Variants in CNBD1 observed in about 807,000 individuals in gnomAD.
CNBD1 encodes the protein cyclic nucleotide-binding domain-containing protein 1.
In CNBD1, 71 loss-of-function variants were observed where a neutral mutation model predicts 54.4. The observed-to-expected ratio is 1.30, with a 90% CI of 1.08 to 1.59. The LOEUF is 1.59. CNBD1 is among the 40% of genes most tolerant of loss of function. The pLI is 0.00. For synonymous variants in CNBD1, 182 were observed against 170.7 expected (o/e 1.07, Z -0.51); for missense variants, 659 against 518.0 (o/e 1.27, Z -2.64).
intron 4 of CNBD1, among the ~76,000 whole-genome samples, chr8:87,100,696 A>G (rs1260718358): frequency 6.6e-6 from 1 of 152,018 alleles, no homozygotes; most frequent in Non-Finnish European, 1.5e-5. Flanking sequence ...GCTGGTCTTG[A>G]ATTCTTGTCT....
At chr8:87,195,176 C>T (rs1036941406) in intron 4 of CNBD1, among the ~76,000 whole-genome samples, 1 of 151,656 alleles carries the variant, frequency 6.6e-6, no homozygotes, top group African/African-American at 2.4e-5. Context: ...AGCCACCATG[C>T]CCGGCCCGTT....
At chr8:87,039,406 A>G (rs1810016444) in intron 4 of CNBD1, among the ~76,000 whole-genome samples, 2 of 152,172 alleles carry the variant, frequency 1.3e-5, no homozygotes, top group African/African-American at 4.8e-5. Flanking sequence ...AGCTATCATT[A>G]TAGCCCTTTT....
intron 6 of CNBD1, among the ~76,000 whole-genome samples, chr8:87,248,960 ATGCAACTATACAAT>A (rs1807860705): frequency 6.6e-6 from 1 of 152,178 alleles, no homozygotes; most frequent in Admixed American, 6.6e-5. Flanking sequence ...CTGCCACCAG[ATGCAACTATACAAT>A]TGAAGTATAT....
intron 8 of CNBD1, among the ~76,000 whole-genome samples, chr8:87,334,410 C>G (rs967593733): frequency 8.6e-5 from 13 of 151,958 alleles, no homozygotes; most frequent in African/African-American, 3.1e-4. Flanking sequence ...CATTTCCTGT[C>G]TCCTGCTAGC....
downstream of CNBD1, among the ~76,000 whole-genome samples, chr8:87,384,222 C>G (rs1811142055): frequency 6.6e-6 from 1 of 151,932 alleles, no homozygotes; most frequent in African/African-American, 2.4e-5. Context: ...TTATCTGTAG[C>G]CATTAGATAT....
At chr8:87,323,769 C>T (rs1413920716) in intron 8 of CNBD1, among the ~76,000 whole-genome samples, 2 of 119,514 alleles carry the variant, frequency 1.7e-5, no homozygotes, top group Non-Finnish European at 3.8e-5. Flanking sequence ...TTGACTTCCT[C>T]TTTTCCTAAT....
chr8:87,385,840 C>T (rs571378555), downstream of CNBD1, among the ~76,000 whole-genome samples: 98 of 152,214 alleles, frequency 6.4e-4, 1 homozygote, highest in South Asian at 0.011. Context: ...CCCTGACCCC[C>T]GAGTAGCCTA....
intron 6 of CNBD1, among the ~76,000 whole-genome samples, chr8:87,263,342 A>G (rs1808179800): frequency 6.6e-6 from 1 of 152,112 alleles, no homozygotes; most frequent in South Asian, 2.1e-4. Flanking sequence ...TTTTTAAATG[A>G]ATTGTTTTTG....
At chr8:87,401,675 C>T (rs1004338920) in intron 2 of CNBD1, among the ~76,000 whole-genome samples, 2 of 152,004 alleles carry the variant, frequency 1.3e-5, no homozygotes, top group Admixed American at 6.6e-5. Context: ...TCTACCTAAC[C>T]TTTAAGCTAC....
chr8:86,897,164 T>C (rs1396810568), intron 2 of CNBD1, among the ~76,000 whole-genome samples: 1 of 152,222 alleles, frequency 6.6e-6, no homozygotes, highest in Non-Finnish European at 1.5e-5. Context: ...CTTGAAATGC[T>C]TAGTAATTTT....
At chr8:86,916,879 T>G (rs1437763502) in intron 3 of CNBD1, among the ~76,000 whole-genome samples, 1 of 151,100 alleles carries the variant, frequency 6.6e-6, no homozygotes, top group African/African-American at 2.4e-5. Flanking sequence ...AACTTTTTTT[T>G]TTTTTTTTTG....
At chr8:86,916,328 G>A (rs1809184348) in intron 3 of CNBD1, among the ~76,000 whole-genome samples, 1 of 152,194 alleles carries the variant, frequency 6.6e-6, no homozygotes, top group Non-Finnish European at 1.5e-5. Context: ...CAAGTGCACT[G>A]TTTGACCTTT....
intron 4 of CNBD1, among the ~76,000 whole-genome samples, chr8:87,197,008 T>C (rs1186911054): frequency 1.3e-5 from 2 of 152,066 alleles, no homozygotes; most frequent in Non-Finnish European, 2.9e-5. Context: ...TAGAAATAGA[T>C]AGAAAGGTGA....
intron 6 of CNBD1, 186 bp downstream of exon 6, chr8:87,237,298 C>G (rs538269843): frequency 7.5e-6 from 3 of 401,954 alleles, no homozygotes; most frequent in South Asian, 6.9e-5. Flanking sequence ...ATAAAGGATG[C>G]CTTCAACAGC....
rs530707762 is a variant in CNBD1, at chr8:86,916,673, T to C, written c.272+11479T>C. Among the ~76,000 whole-genome samples the C allele has an allele frequency of 1.0e-3, 152 of 152,108 alleles. 1 individual carries two copies. Among genetic ancestry groups the C allele is most frequent in the Non-Finnish European group, 3.8e-4 (26 of 68,016 alleles). ...TTTCTATCTTTTGGGAGCCTGCCTT[T>C]CTCTGGTGCTGGCTGCAACATTATT... On this transcript the variant is annotated intron_variant, in intron 3 of 10. Coordinates refer to ENST00000518476, the MANE Select transcript of CNBD1 (RefSeq NM_173538.3).
intron 4 of CNBD1, among the ~76,000 whole-genome samples, chr8:87,172,972 T>C (rs914254759): frequency 2.0e-5 from 3 of 152,136 alleles, no homozygotes; most frequent in African/African-American, 7.2e-5. Context: ...TTCTCCCTTT[T>C]AGTGAAGGGG....
chr8:87,257,922 TAAC>T lies in CNBD1; in HGVS notation c.771+20811_771+20813del, dbSNP rs200436420. Among the ~76,000 whole-genome samples the T allele has an allele frequency of 8.4e-3, 1,285 of 152,250 alleles. 18 individuals are homozygous for T. The highest frequency in any genetic ancestry group is 0.029 in the African/African-American group (1,217 of 41,546). ...ACTTCTATGGTGTACAATAACATAA[TAAC>T]GTTAATTATGATTGACAGCATATAC... On this transcript the variant is annotated intron_variant, in intron 6 of 10. Coordinates refer to ENST00000518476, the MANE Select transcript of CNBD1 (RefSeq NM_173538.3).
At chr8:87,093,751 G>A (rs2130683497) in intron 4 of CNBD1, among the ~76,000 whole-genome samples, 1 of 152,130 alleles carries the variant, frequency 6.6e-6, no homozygotes, top group Non-Finnish European at 1.5e-5. Context: ...ATCTCTCAGG[G>A]TTTCTTCCCT....
chr8:87,001,119 T>C (rs1203812916), intron 4 of CNBD1, among the ~76,000 whole-genome samples: 2 of 152,138 alleles, frequency 1.3e-5, no homozygotes, highest in Non-Finnish European at 2.9e-5. Context: ...GTCTTCATTC[T>C]TTTTTTCTTA....
Sources: allele counts gnomAD v4.1 joint callset (sites outside exome capture counted in the v4.1 genomes callset), GRCh38; gene constraint gnomAD v4.1.1; transcripts MANE v1.5; gene names NCBI Gene and HGNC (gene_info 2026-07-23, HGNC 2026-07-21).